The following GPATCH2 variants were observed in gnomAD, a reference collection of about 807,000 sequenced individuals.
GPATCH2 encodes G patch domain-containing protein 2.
Under a neutral mutation model 58.0 loss-of-function variants are expected in GPATCH2, and 51 were observed. That is an observed-to-expected ratio of 0.88 (90% CI 0.70 to 1.11). The LOEUF (loss-of-function observed/expected upper bound fraction) is 1.11, where lower values mean the gene tolerates loss of function less well. GPATCH2 is among the 50% of genes most tolerant of loss of function. The pLI, the probability that GPATCH2 is intolerant of heterozygous loss-of-function variation, is 0.00. For synonymous variants in GPATCH2, 222 were observed against 218.5 expected (o/e 1.02, Z -0.14); for missense variants, 625 against 652.2 (o/e 0.96, Z 0.45).
intron 6 of GPATCH2, among the ~76,000 whole-genome samples, chr1:217,513,926 G>T (rs1041476485): frequency 6.6e-6 from 1 of 151,508 alleles, no homozygotes; most frequent in Non-Finnish European, 1.5e-5. Context: ...CCAAGTTCTA[G>T]TGAGTCTCCC....
At chr1:217,585,913 C>T (rs1667318509) in intron 5 of GPATCH2, among the ~76,000 whole-genome samples, 1 of 152,130 alleles carries the variant, frequency 6.6e-6, no homozygotes, top group Non-Finnish European at 1.5e-5. Context: ...CAGCATGTTA[C>T]TGTATTGAAT....
chr1:217,553,193 A>C (rs1251825939), intron 5 of GPATCH2, among the ~76,000 whole-genome samples: 1 of 152,154 alleles, frequency 6.6e-6, no homozygotes, highest in African/African-American at 2.4e-5. Context: ...CTTAGTTTAT[A>C]ATCTCTATTC....
chr1:217,554,569 G>T lies in GPATCH2; in HGVS notation c.1099-39680C>A, dbSNP rs1225578706. Among the ~76,000 whole-genome samples, 20 of 152,152 alleles carry T rather than the reference G, an allele frequency of 1.3e-4. 1 individual carries two copies. The highest frequency in any genetic ancestry group is 1.3e-3 in the Admixed American group (20 of 15,272). On this transcript the variant is annotated intron_variant, in intron 5 of 9. Coordinates refer to ENST00000366935, the MANE Select transcript of GPATCH2 (RefSeq NM_018040.5). ...TTATCACAAATGCTGTAGTTACTATGTGTTGATTCAGGAATATATATACCC... is the reference window on the plus strand; with the variant it reads ...TTATCACAAATGCTGTAGTTACTATTTGTTGATTCAGGAATATATATACCC...
chr1:217,539,074 A>G (rs1664608749), intron 5 of GPATCH2, among the ~76,000 whole-genome samples: 1 of 152,206 alleles, frequency 6.6e-6, no homozygotes, highest in African/African-American at 2.4e-5. Context: ...CGATAATTAA[A>G]TAGTTCCATA....
At chr1:217,595,339 T>C (rs535812213) in intron 5 of GPATCH2, among the ~76,000 whole-genome samples, 8 of 152,180 alleles carry the variant, frequency 5.3e-5, no homozygotes, top group Non-Finnish European at 1.0e-4. Flanking sequence ...CATTGAAAAA[T>C]TCACAAGTAA....
chr1:217,594,896 A>G (rs553226619), intron 5 of GPATCH2, among the ~76,000 whole-genome samples: 22 of 152,196 alleles, frequency 1.4e-4, no homozygotes, highest in African/African-American at 4.6e-4. Context: ...ATACATTGGG[A>G]GAAATAGGAT....
At chr1:217,455,524 C>T (rs1254038491) in intron 8 of GPATCH2, among the ~76,000 whole-genome samples, 1 of 152,180 alleles carries the variant, frequency 6.6e-6, no homozygotes, top group Non-Finnish European at 1.5e-5. Context: ...GTTAGTGCCT[C>T]TTCCACTCTA....
At chr1:217,598,363 G>A (rs1400613185) in intron 5 of GPATCH2, among the ~76,000 whole-genome samples, 2 of 151,822 alleles carry the variant, frequency 1.3e-5, no homozygotes, top group African/African-American at 4.8e-5. Flanking sequence ...ACTCAAGCCG[G>A]GGCCACAGAG....
chr1:217,464,884 A>G (rs960327366), intron 8 of GPATCH2, among the ~76,000 whole-genome samples: 1 of 152,164 alleles, frequency 6.6e-6, no homozygotes, highest in Non-Finnish European at 1.5e-5. Flanking sequence ...TAAAAGGAAA[A>G]AATAAGGTCC....
intron 6 of GPATCH2, among the ~76,000 whole-genome samples, chr1:217,511,703 T>G (rs1662858763): frequency 6.6e-6 from 1 of 152,164 alleles, no homozygotes; most frequent in African/African-American, 2.4e-5. Context: ...AGATATTGGG[T>G]TTTTCTCCTA....
intron 8 of GPATCH2, among the ~76,000 whole-genome samples, chr1:217,463,422 ATGAGGC>A (rs1274524271): frequency 6.6e-6 from 1 of 152,080 alleles, no homozygotes; most frequent in Non-Finnish European, 1.5e-5. Flanking sequence ...GTAATTGGAT[ATGAGGC>A]TGAAAAAATA....
At chr1:217,486,816 C>T (rs939406546) in intron 8 of GPATCH2, among the ~76,000 whole-genome samples, 3 of 152,176 alleles carry the variant, frequency 2.0e-5, no homozygotes, top group Non-Finnish European at 2.9e-5. Context: ...TAGGAGAATA[C>T]CTTTTCCCTC....
In GPATCH2 at chr1:217,630,993, C is replaced by A. The variant is rs777096797; in HGVS notation, c.-22G>T. The A allele has an allele frequency of 6.3e-7, 1 of 1,577,046 alleles. No homozygotes were observed. Among genetic ancestry groups the A allele is most frequent in the Non-Finnish European group, 8.6e-7 (1 of 1,166,174 alleles). ...ACATTAACGACACCCGGGAGCCTGGCCTCGAAGCTCAGGCCCGTGAACAGA... is the reference window on the plus strand; with the variant it reads ...ACATTAACGACACCCGGGAGCCTGGACTCGAAGCTCAGGCCCGTGAACAGA... On this transcript the variant is annotated 5_prime_UTR_variant, in exon 1 of 10. Transcript: ENST00000366935.
Position 217,428,691 on chromosome 1 carries a change from C to T in GPATCH2, c.*2454G>A, listed in dbSNP as rs1232371928. The T allele has an allele frequency of 6.6e-6, 1 of 152,088 alleles. No homozygotes were observed. Among genetic ancestry groups the T allele is most frequent in the Non-Finnish European group, 1.5e-5 (1 of 68,002 alleles). 9.4% of individuals were successfully genotyped at this position (152,088 alleles called of 1,614,324 possible). A position where few individuals can be genotyped will look rare whatever the true frequency, so the allele number is the denominator to read the frequency against. On this transcript the variant is annotated 3_prime_UTR_variant, in exon 10 of 10. Transcript: ENST00000366935. ...AACAGAGTAAGAAGTATTTTAAGTC[C>T]TCTGTGAATCACATAGAGGGCTCTA...
At chr1:217,506,503 A>T (rs773379514) in intron 6 of GPATCH2, among the ~76,000 whole-genome samples, 2 of 152,214 alleles carry the variant, frequency 1.3e-5, no homozygotes, top group African/African-American at 2.4e-5. Flanking sequence ...GTGGCTAGGT[A>T]AGAACAGATC....
At chr1:217,599,312 T>TA (rs1668003159) in intron 5 of GPATCH2, among the ~76,000 whole-genome samples, 1 of 152,130 alleles carries the variant, frequency 6.6e-6, no homozygotes, top group Non-Finnish European at 1.5e-5. Flanking sequence ...TTATGTGTGA[T>TA]ATGGATTACA....
rs578167546 is a variant in GPATCH2 at position 217,567,995 on chromosome 1, C to T, written c.1098+42326G>A. Among the ~76,000 whole-genome samples, 26 of 152,086 alleles carry T rather than the reference C, an allele frequency of 1.7e-4. 1 individual carries two copies. The highest frequency in any genetic ancestry group is 8.3e-4 in the South Asian group (4 of 4,812). ...AGCCGAGCACGGTGGCGGGCGCCTG[C>T]AGTCCTAGCTACTCAGGAGGCTGAG... On this transcript the variant is annotated intron_variant, in intron 5 of 9. Coordinates refer to ENST00000366935, the MANE Select transcript of GPATCH2 (RefSeq NM_018040.5).
chr1:217,578,537 C>T (rs534160098), intron 5 of GPATCH2, among the ~76,000 whole-genome samples: 1 of 152,292 alleles, frequency 6.6e-6, no homozygotes, highest in South Asian at 2.1e-4. Context: ...CAGGCGTCAG[C>T]CTCTGTGCTT....
At chr1:217,596,848 G>A (rs1347000846) in intron 5 of GPATCH2, among the ~76,000 whole-genome samples, 1 of 152,066 alleles carries the variant, frequency 6.6e-6, no homozygotes, top group Non-Finnish European at 1.5e-5. Flanking sequence ...TTTAAAACCT[G>A]TGTATTTATT....
Sources: allele counts gnomAD v4.1 joint callset (sites outside exome capture counted in the v4.1 genomes callset), GRCh38; gene constraint gnomAD v4.1.1; transcripts MANE v1.5; gene names NCBI Gene and HGNC (gene_info 2026-07-23, HGNC 2026-07-21).